Variants in SLC9A9 observed in about 807,000 individuals in gnomAD.
SLC9A9 encodes sodium/hydrogen exchanger 9.
SLC9A9 carries 62 observed loss-of-function variants against 77.8 expected under a neutral mutation model. That is an observed-to-expected ratio of 0.80 (90% confidence interval 0.65 to 0.98). The LOEUF (loss-of-function observed/expected upper bound fraction) is 0.98, where lower values mean the gene tolerates loss of function less well. Ranked by LOEUF, SLC9A9 falls within the 50% of genes least tolerant of loss-of-function variation. SLC9A9 has a pLI of 0.00. For synonymous variants in SLC9A9, 320 were observed against 283.5 expected, an observed-to-expected ratio of 1.13 and a Z score of -1.29; for missense variants, 775 against 774.9, an observed-to-expected ratio of 1.00 and a Z score of 0.00.
chr3:143,702,299 A>G (rs143275956), intron 4 of SLC9A9, among the ~76,000 whole-genome samples: 97 of 152,300 alleles, frequency 6.4e-4, no homozygotes, highest in African/African-American at 2.2e-3. Flanking sequence ...AATATAAACT[A>G]TTCAGATCTT....
intron 12 of SLC9A9, among the ~76,000 whole-genome samples, chr3:143,433,598 GGT>G (rs2034569070): frequency 6.6e-6 from 1 of 152,160 alleles, no homozygotes; most frequent in Non-Finnish European, 1.5e-5. Flanking sequence ...TATTATAAAA[GGT>G]GGGGGTGTTC....
At chr3:143,591,119 C>G (rs556043958) in intron 6 of SLC9A9, among the ~76,000 whole-genome samples, 3 of 152,242 alleles carry the variant, frequency 2.0e-5, no homozygotes, top group Non-Finnish European at 4.4e-5. Context: ...AGTGACAAGC[C>G]AACTCCTGGA....
intron 14 of SLC9A9, among the ~76,000 whole-genome samples, chr3:143,318,868 G>C (rs562244916): frequency 2.6e-5 from 4 of 152,212 alleles, no homozygotes; most frequent in African/African-American, 9.7e-5. Flanking sequence ...GATCTCTTGG[G>C]AGAGATGAGC....
Position 143,596,560 on chromosome 3 carries a change from T to C in SLC9A9, c.756-17837A>G, listed in dbSNP as rs187929241. 1.6e-4 allele frequency among the ~76,000 whole-genome samples: 24 copies of C among 152,376 alleles called. 2 individuals are homozygous for C. The highest frequency in any genetic ancestry group is 1.5e-3 in the Admixed American group (23 of 15,306). On this transcript the variant is annotated intron_variant, in intron 6 of 15. Coordinates refer to ENST00000316549, the MANE Select transcript of SLC9A9 (RefSeq NM_173653.4). Reference sequence around the variant, plus strand: ...GGCTGTTTTTATCAAGGATATGGTCTATGGGATCATTAAAATGATGTGACA... The same window carrying C: ...GGCTGTTTTTATCAAGGATATGGTCCATGGGATCATTAAAATGATGTGACA...
At chr3:143,357,442 T>A (rs1258558838) in intron 14 of SLC9A9, among the ~76,000 whole-genome samples, 1 of 152,138 alleles carries the variant, frequency 6.6e-6, no homozygotes, top group Non-Finnish European at 1.5e-5. Context: ...AGATTACACA[T>A]CCTTTGCTAT....
In SLC9A9 at chr3:143,675,819, T is replaced by C. The variant is rs181518900; in HGVS notation, c.649+17373A>G. On this transcript the variant is annotated intron_variant, in intron 5 of 15. Transcript: ENST00000316549. ...AAATATGATCATAATATGCATACTC[T>C]TTGTTTAGTCGTTTGCTTTAATAGT... Among the ~76,000 whole-genome samples the C allele has an allele frequency of 7.0e-4, 106 of 152,338 alleles. 1 individual carries two copies. In the East Asian group the frequency reaches 0.02, roughly 29 times the overall value.
At chr3:143,287,823 G>C (rs1244783419) in intron 14 of SLC9A9, among the ~76,000 whole-genome samples, 1 of 152,090 alleles carries the variant, frequency 6.6e-6, no homozygotes, top group Non-Finnish European at 1.5e-5. Context: ...ACTGCAAAGG[G>C]GATTTTAGAG....
intron 9 of SLC9A9, among the ~76,000 whole-genome samples, chr3:143,522,523 A>T (rs1246330062): frequency 2.0e-5 from 3 of 152,118 alleles, no homozygotes; most frequent in Non-Finnish European, 4.4e-5. Context: ...ACTGTCACAG[A>T]CTGCACCTTC....
chr3:143,806,739 G>GGA (rs1553724409), intron 2 of SLC9A9, among the ~76,000 whole-genome samples: 1 of 150,272 alleles, frequency 6.7e-6, no homozygotes. Context: ...TGTGGTGGTG[G>GGA]GGGGGGCAAG....
intron 12 of SLC9A9, among the ~76,000 whole-genome samples, chr3:143,435,367 T>C (rs2034602718): frequency 6.6e-6 from 1 of 152,204 alleles, no homozygotes; most frequent in South Asian, 2.1e-4. Context: ...AATGGCGTTG[T>C]GTTTCTTAGT....
At chr3:143,728,295 T>C (rs943360258) in intron 4 of SLC9A9, among the ~76,000 whole-genome samples, 1 of 151,688 alleles carries the variant, frequency 6.6e-6, no homozygotes, top group Non-Finnish European at 1.5e-5. Context: ...ATGGAGGGAA[T>C]GGGAGGAGGA....
At chr3:143,799,512 A>G (rs2008490044) in intron 2 of SLC9A9, among the ~76,000 whole-genome samples, 1 of 152,208 alleles carries the variant, frequency 6.6e-6, no homozygotes, top group Non-Finnish European at 1.5e-5. Flanking sequence ...CCTGAACCCC[A>G]GCTGCCAGGG....
intron 13 of SLC9A9, among the ~76,000 whole-genome samples, chr3:143,375,779 T>C (rs1054009509): frequency 6.6e-6 from 1 of 152,256 alleles, no homozygotes; most frequent in Admixed American, 6.5e-5. Context: ...CTCTGAGATT[T>C]TGCTTGTTAT....
intron 5 of SLC9A9, among the ~76,000 whole-genome samples, chr3:143,682,130 G>T (rs1361143266): frequency 6.6e-6 from 1 of 152,208 alleles, no homozygotes; most frequent in East Asian, 1.9e-4. Context: ...GCTTCACCAG[G>T]ACTCAGCTGC....
At chr3:143,374,627 T>C (rs140063485) in intron 13 of SLC9A9, among the ~76,000 whole-genome samples, 108 of 151,924 alleles carry the variant, frequency 7.1e-4, no homozygotes, top group African/African-American at 2.4e-3. Context: ...ATTTTTAAAT[T>C]ATTTTTCAAA....
chr3:143,816,761 C>T (rs961517047), intron 2 of SLC9A9, among the ~76,000 whole-genome samples: 3 of 152,188 alleles, frequency 2.0e-5, no homozygotes, highest in Admixed American at 1.3e-4. Flanking sequence ...ACCCAATTTA[C>T]ACTCCCATAG....
chr3:143,765,547 G>T (rs1234639986), intron 4 of SLC9A9, among the ~76,000 whole-genome samples: 1 of 152,100 alleles, frequency 6.6e-6, no homozygotes, highest in Non-Finnish European at 1.5e-5. Context: ...TATACTAGTT[G>T]TTCTTTATTG....
intron 4 of SLC9A9, among the ~76,000 whole-genome samples, chr3:143,772,598 T>C (rs1420186421): frequency 6.6e-6 from 1 of 152,204 alleles, no homozygotes; most frequent in Non-Finnish European, 1.5e-5. Flanking sequence ...GGGAAGGAAC[T>C]GTAGCCACTA....
At chr3:143,702,998 G>A (rs1440657917) in intron 4 of SLC9A9, among the ~76,000 whole-genome samples, 3 of 152,018 alleles carry the variant, frequency 2.0e-5, no homozygotes, top group Non-Finnish European at 4.4e-5. Context: ...AATGATAAAG[G>A]AGTAAATTTA....
Sources: gnomAD v4.1 joint callset for allele counts (sites outside exome capture counted in the v4.1 genomes callset) on GRCh38, gnomAD v4.1.1 for gene constraint, MANE v1.5 for transcripts, NCBI Gene and HGNC (gene_info 2026-07-23, HGNC 2026-07-21) for gene names.